The following AAK1 variants were observed in gnomAD, a reference collection of about 807,000 sequenced individuals.
The protein encoded by AAK1 is AP2 associated kinase 1, also known as AP2-associated protein kinase 1.
In AAK1, 37 loss-of-function variants were observed where a neutral mutation model predicts 116.0. The ratio of observed to expected loss-of-function variants is 0.32; its 90% CI spans 0.25 to 0.42. The LOEUF (loss-of-function observed/expected upper bound fraction) is 0.42, where lower values mean the gene tolerates loss of function less well. AAK1 is among the 10% of genes least tolerant of loss of function. The pLI is 1.00. For missense variants in AAK1, 919 were observed against 1,170.6 expected, an observed-to-expected ratio of 0.79 and a Z score of 3.14; for synonymous variants, 458 against 439.9, an observed-to-expected ratio of 1.04 and a Z score of -0.51.
At chr2:69,500,387 G>A (rs1048136809) in intron 16 of AAK1, 19 of 151,990 alleles carry the variant, frequency 1.3e-4, no homozygotes, top group African/African-American at 4.3e-4. Flanking sequence ...ACTTTTTAAT[G>A]TTTGTAAAAG....
intron 16 of AAK1, among the ~76,000 whole-genome samples, chr2:69,500,698 TACACACACAC>T (rs563907265): frequency 7.7e-5 from 5 of 65,100 alleles, no homozygotes; most frequent in Middle Eastern, 9.3e-3. Flanking sequence ...TATATATATA[TACACACACAC>T]ACACACACAC....
chr2:69,470,236 G>T lies in AAK1; in HGVS notation c.*5633C>A. On this transcript the variant is annotated 3_prime_UTR_variant, in exon 22 of 22. Coordinates refer to ENST00000409085, the MANE Select transcript of AAK1 (RefSeq NM_014911.5). ...ATGATTCTTGCCAAAAACAGAAAAC[G>T]AAGACTTGGAGCATTGAGAAGAAGC... The T allele has an allele frequency of 2.0e-6, 2 of 985,376 alleles. No individual in the cohort carries two copies. The highest frequency in any genetic ancestry group is 2.4e-6 in the Non-Finnish European group (2 of 829,932). 61.0% of individuals were successfully genotyped at this position (985,376 alleles called of 1,614,324 possible).
At chr2:69,571,055 T>C (rs1018910460) in intron 2 of AAK1, among the ~76,000 whole-genome samples, 5 of 152,176 alleles carry the variant, frequency 3.3e-5, no homozygotes, top group African/African-American at 1.2e-4. Flanking sequence ...ATCCCACTTG[T>C]ATGCATTCTA....
Position 69,509,201 on chromosome 2 carries a change from TAAGAACAACAAA to T in AAK1, c.2006+18_2006+29del. ...CGCAGGCAGACTTTGCCCACAGAGG[TAAGAACAACAAA>T]GAGGAAGCACCACATACTTGGACTT... On this transcript the variant is annotated intron_variant, in intron 14 of 21. Coordinates refer to ENST00000409085, the MANE Select transcript of AAK1 (RefSeq NM_014911.5). 1 of 1,603,084 alleles carries T rather than the reference TAAGAACAACAAA, an allele frequency of 6.2e-7. No homozygotes were observed. The highest frequency in any genetic ancestry group is 8.5e-7 in the Non-Finnish European group (1 of 1,170,430).
chr2:69,469,714 T>C lies in AAK1; in HGVS notation c.*6155A>G. On this transcript the variant is annotated 3_prime_UTR_variant, in exon 22 of 22. Transcript: ENST00000409085. Reference sequence around the variant, plus strand: ...TAGAGCCTAACGTAGGGTTTTGTTATAATTCCCTCAAACTGGATCATGCCT... The same window carrying C: ...TAGAGCCTAACGTAGGGTTTTGTTACAATTCCCTCAAACTGGATCATGCCT... 1.0e-6 allele frequency: 1 copy of C among 985,482 alleles called. No homozygotes were observed. Among genetic ancestry groups the C allele is most frequent in the Middle Eastern group, 5.2e-4 (1 of 1,914 alleles). 61.0% of individuals were successfully genotyped at this position (985,482 alleles called of 1,614,324 possible). A position where few individuals can be genotyped will look rare whatever the true frequency, so the allele number is the denominator to read the frequency against.
At chr2:69,544,268 T>G (rs577948235) in intron 4 of AAK1, 168 bp downstream of exon 4, 27 of 594,994 alleles carry the variant, frequency 4.5e-5, no homozygotes, top group African/African-American at 3.9e-4. Flanking sequence ...TTTGTACCGT[T>G]ATAAGAATAA....
At chr2:69,579,503 C>T (rs1048028697) in intron 2 of AAK1, among the ~76,000 whole-genome samples, 2 of 152,272 alleles carry the variant, frequency 1.3e-5, no homozygotes, top group Middle Eastern at 3.4e-3. Flanking sequence ...TGCTTGGGCC[C>T]GGGAGGTGGA....
chr2:69,557,225 T>C lies in AAK1; in HGVS notation c.164-247A>G, dbSNP rs77632724. ...CACCTATCTTAGGATAACAAAAGAA[T>C]AGTAATTATTTTCCAAATAACCTAC... On this transcript the variant is annotated intron_variant, in intron 2 of 21. Transcript: ENST00000409085. Among the ~76,000 whole-genome samples, 730 of 152,032 alleles carry C rather than the reference T, an allele frequency of 4.8e-3. 9 individuals are homozygous for C. Among genetic ancestry groups the C allele is most frequent in the East Asian group, 0.045 (235 of 5,170 alleles).
At chr2:69,599,768 G>C (rs1257879960) in intron 2 of AAK1, among the ~76,000 whole-genome samples, 1 of 151,672 alleles carries the variant, frequency 6.6e-6, no homozygotes, top group Admixed American at 6.6e-5. Flanking sequence ...AGTCTGCAAT[G>C]TGTGTGTGTG....
chr2:69,562,819 G>T (rs1343078749), intron 2 of AAK1, among the ~76,000 whole-genome samples: 3 of 152,236 alleles, frequency 2.0e-5, no homozygotes, highest in Non-Finnish European at 4.4e-5. Context: ...GAACCTGGGA[G>T]GCGGAGGTTG....
chr2:69,491,822 A>G (rs17036663), intron 17 of AAK1, among the ~76,000 whole-genome samples: 6,810 of 152,230 alleles, frequency 0.045, 478 homozygotes, highest in African/African-American at 0.15. Flanking sequence ...AGAACACACA[A>G]TTTAAGTGAT....
intron 2 of AAK1, among the ~76,000 whole-genome samples, chr2:69,586,030 C>A (rs545706817): frequency 3.8e-4 from 58 of 152,124 alleles, no homozygotes; most frequent in Non-Finnish European, 7.3e-4. Context: ...GCCCTCCGCA[C>A]GTCACTGCCC....
At chr2:69,521,219 CCTT>C (rs1321565695) in intron 10 of AAK1, among the ~76,000 whole-genome samples, 1 of 152,222 alleles carries the variant, frequency 6.6e-6, no homozygotes, top group African/African-American at 2.4e-5. Context: ...GAGTGGCTCT[CCTT>C]CTAGCAGAAC....
chr2:69,482,106 C>T (rs1210023496), intron 18 of AAK1: 1 of 154,846 alleles, frequency 6.5e-6, no homozygotes, highest in African/African-American at 2.4e-5. Context: ...AATCCCAGCA[C>T]TTTGGGAGGC....
chr2:69,607,936 T>A (rs1424771286), intron 2 of AAK1, among the ~76,000 whole-genome samples: 2 of 152,158 alleles, frequency 1.3e-5, no homozygotes, highest in African/African-American at 4.8e-5. Context: ...GGAACACATG[T>A]CTCCTGCCCC....
At chr2:69,546,190 C>T (rs1314635675) in intron 3 of AAK1, among the ~76,000 whole-genome samples, 2 of 151,828 alleles carry the variant, frequency 1.3e-5, no homozygotes, top group Non-Finnish European at 1.5e-5. Flanking sequence ...CAAATGAGTT[C>T]GTATCTGTTG....
At chr2:69,569,425 C>A (rs148253323) in intron 2 of AAK1, among the ~76,000 whole-genome samples, 1 of 152,256 alleles carries the variant, frequency 6.6e-6, no homozygotes, top group African/African-American at 2.4e-5. Flanking sequence ...CAGTGCACTT[C>A]CCCCTAAATA....
chr2:69,489,606 C>CA (rs1558903737), intron 17 of AAK1, among the ~76,000 whole-genome samples: 1 of 152,224 alleles, frequency 6.6e-6, no homozygotes, highest in South Asian at 2.1e-4. Flanking sequence ...CCAGCCCCAC[C>CA]AAAAAAGAGG....
intron 16 of AAK1, among the ~76,000 whole-genome samples, chr2:69,502,716 C>T (rs1310214890): frequency 1.3e-5 from 2 of 152,196 alleles, no homozygotes; most frequent in Non-Finnish European, 2.9e-5. Flanking sequence ...GAAAATGACT[C>T]TCATTCACTA....
Sources: gnomAD v4.1 joint callset for allele counts (sites outside exome capture counted in the v4.1 genomes callset) on GRCh38, gnomAD v4.1.1 for gene constraint, MANE v1.5 for transcripts, NCBI Gene and HGNC (gene_info 2026-07-23, HGNC 2026-07-21) for gene names.